Variants in CHST9 observed in about 807,000 individuals in gnomAD.
CHST9 encodes GalNAc-4-sulfotransferase 2.
In CHST9, 41 loss-of-function variants were observed where a neutral mutation model predicts 44.4. The observed-to-expected ratio is 0.92, with a 90% CI of 0.72 to 1.20. The LOEUF is 1.20. Ranked by LOEUF, CHST9 falls within the 50% of genes most tolerant of loss-of-function variation. The pLI, the probability that CHST9 is intolerant of heterozygous loss-of-function variation, is 0.00. For missense variants in CHST9, 504 were observed against 516.5 expected (o/e 0.98, Z 0.23); for synonymous variants, 171 against 178.4 (o/e 0.96, Z 0.33).
At chr18:27,136,859 C>T (rs990393259) in intron 2 of CHST9, among the ~76,000 whole-genome samples, 1 of 152,108 alleles carries the variant, frequency 6.6e-6, no homozygotes, top group Non-Finnish European at 1.5e-5. Context: ...ATGTAGGCTA[C>T]ATTGAGGAAA....
At chr18:27,063,512 T>C (rs1021757947) in intron 2 of CHST9, among the ~76,000 whole-genome samples, 7 of 152,200 alleles carry the variant, frequency 4.6e-5, no homozygotes, top group Non-Finnish European at 8.8e-5. Flanking sequence ...CCTATACTGG[T>C]GTGAAGTAAA....
chr18:27,153,226 G>C (rs1216006845), intron 1 of CHST9, among the ~76,000 whole-genome samples: 5 of 152,134 alleles, frequency 3.3e-5, no homozygotes, highest in Non-Finnish European at 7.4e-5. Flanking sequence ...TGTCAAAATA[G>C]TTGGTTCGGG....
chr18:27,090,869 T>G (rs2058061533), intron 2 of CHST9, among the ~76,000 whole-genome samples: 1 of 152,218 alleles, frequency 6.6e-6, no homozygotes. Flanking sequence ...TAGTTTGAAG[T>G]CAGGTAGCGT....
chr18:26,934,100 T>A (rs536938501), intron 5 of CHST9, among the ~76,000 whole-genome samples: 1 of 152,050 alleles, frequency 6.6e-6, no homozygotes, highest in African/African-American at 2.4e-5. Flanking sequence ...CGGCCCAAGA[T>A]GGGATGAAAG....
intron 4 of CHST9, among the ~76,000 whole-genome samples, chr18:26,972,629 C>A (rs1240044783): frequency 6.6e-6 from 1 of 151,998 alleles, no homozygotes; most frequent in Non-Finnish European, 1.5e-5. Flanking sequence ...GTACAAGGAG[C>A]CGTGTCAGAA....
chr18:27,053,130 G>GAAGAAGAAGAAGAA (rs2057589643), intron 2 of CHST9, among the ~76,000 whole-genome samples: 1 of 71,200 alleles, frequency 1.4e-5, no homozygotes, highest in South Asian at 6.2e-4. Context: ...AGGAAGAAGA[G>GAAGAAGAAGAAGAA]GAAGAAGAAG....
intron 2 of CHST9, among the ~76,000 whole-genome samples, chr18:27,123,607 A>G (rs1194933781): frequency 6.6e-6 from 1 of 152,238 alleles, no homozygotes; most frequent in Non-Finnish European, 1.5e-5. Flanking sequence ...GTCAAAAATC[A>G]GAGAAGATTT....
chr18:26,986,669 C>A (rs1460598157), intron 4 of CHST9, among the ~76,000 whole-genome samples: 1 of 151,944 alleles, frequency 6.6e-6, no homozygotes, highest in Non-Finnish European at 1.5e-5. Context: ...AAAGGAAAAT[C>A]TTAAAAACAG....
chr18:27,081,616 C>G (rs56044850), intron 2 of CHST9, among the ~76,000 whole-genome samples: 14,413 of 152,140 alleles, frequency 0.095, 705 homozygotes, highest in East Asian at 0.14. Flanking sequence ...GTGTTGAACT[C>G]ACCTCTTTAC....
intron 2 of CHST9, among the ~76,000 whole-genome samples, chr18:27,141,591 C>CAAAAAAAAAAAA (rs34920055): frequency 8.0e-5 from 4 of 50,098 alleles, no homozygotes; most frequent in African/African-American, 3.5e-4. Flanking sequence ...AATCCCGACT[C>CAAAAAAAAAAAA]AAAAAAAAAA....
At chr18:27,138,877 C>T (rs1231878406) in intron 2 of CHST9, among the ~76,000 whole-genome samples, 2 of 150,802 alleles carry the variant, frequency 1.3e-5, no homozygotes, top group African/African-American at 2.4e-5. Flanking sequence ...GTACCTGTAA[C>T]AACTACGAAA....
At chr18:27,012,953 C>T (rs1430375925) in intron 4 of CHST9, among the ~76,000 whole-genome samples, 1 of 152,102 alleles carries the variant, frequency 6.6e-6, no homozygotes, top group Non-Finnish European at 1.5e-5. Flanking sequence ...CATACTGTGG[C>T]CTAACAGTGT....
chr18:26,996,395 G>C (rs550804200), intron 4 of CHST9, among the ~76,000 whole-genome samples: 2 of 152,080 alleles, frequency 1.3e-5, no homozygotes, highest in Non-Finnish European at 2.9e-5. Flanking sequence ...TCATGGGAGC[G>C]GATCCCTCAT....
intron 2 of CHST9, among the ~76,000 whole-genome samples, chr18:27,054,147 A>G (rs532587476): frequency 1.4e-4 from 22 of 152,226 alleles, no homozygotes; most frequent in Non-Finnish European, 2.4e-4. Flanking sequence ...GCTGGAGAAC[A>G]TGAAGTCAAT....
rs779170345 is a variant in CHST9 at position 26,913,185 on chromosome 18, A to G, written c.*3074T>C. 23 of 152,226 alleles carry G rather than the reference A, an allele frequency of 1.5e-4. No individual in the cohort carries two copies. Among genetic ancestry groups the G allele is most frequent in the Admixed American group, 7.2e-4 (11 of 15,282 alleles). 9.4% of individuals were successfully genotyped at this position (152,226 alleles called of 1,614,324 possible). A position where few individuals can be genotyped will look rare whatever the true frequency, so the allele number is the denominator to read the frequency against. ...CATTTTAGGAGATAAGAATAATAATACATCAATAAAATGTAAAAGTATTTT... is the reference window on the plus strand; with the variant it reads ...CATTTTAGGAGATAAGAATAATAATGCATCAATAAAATGTAAAAGTATTTT... On this transcript the variant is annotated 3_prime_UTR_variant, in exon 6 of 6. Coordinates refer to ENST00000618847, the MANE Select transcript of CHST9 (RefSeq NM_031422.6).
intron 1 of CHST9, among the ~76,000 whole-genome samples, chr18:27,169,191 C>T (rs1226682523): frequency 3.3e-5 from 5 of 152,156 alleles, no homozygotes; most frequent in African/African-American, 1.2e-4. Flanking sequence ...TAGAAACTGA[C>T]ATGATATATG....
At chr18:26,973,007 A>G (rs2056571031) in intron 4 of CHST9, among the ~76,000 whole-genome samples, 1 of 152,150 alleles carries the variant, frequency 6.6e-6, no homozygotes, top group Non-Finnish European at 1.5e-5. Flanking sequence ...TCACTTGATT[A>G]CAACAAATTC....
At chr18:27,022,376 T>C (rs2057236849) in intron 4 of CHST9, among the ~76,000 whole-genome samples, 1 of 152,184 alleles carries the variant, frequency 6.6e-6, no homozygotes, top group Non-Finnish European at 1.5e-5. Flanking sequence ...TTGATTCTAT[T>C]GTGTGTTCCT....
At chr18:27,127,533 A>G (rs1598742936) in intron 2 of CHST9, among the ~76,000 whole-genome samples, 1 of 152,330 alleles carries the variant, frequency 6.6e-6, no homozygotes, top group Non-Finnish European at 1.5e-5. Context: ...GGATGGTCAT[A>G]CAGTGGAGAT....
Sources: gnomAD v4.1 joint callset for allele counts (sites outside exome capture counted in the v4.1 genomes callset) on GRCh38, gnomAD v4.1.1 for gene constraint, MANE v1.5 for transcripts, NCBI Gene and HGNC (gene_info 2026-07-23, HGNC 2026-07-21) for gene names.